Variants in GRIN2B observed in about 807,000 individuals in gnomAD.
The protein encoded by GRIN2B is glutamate receptor ionotropic, NMDA 2B.
In GRIN2B, 5 loss-of-function variants were observed where a neutral mutation model predicts 114.5. That is an observed-to-expected ratio of 0.04 (90% CI 0.02 to 0.09). The LOEUF (loss-of-function observed/expected upper bound fraction) is 0.09. GRIN2B is among the 10% of genes least tolerant of loss of function. GRIN2B has a pLI of 1.00. For missense variants in GRIN2B, 1,108 were observed against 1,943.5 expected (o/e 0.57, Z 8.08); for synonymous variants, 787 against 745.1 (o/e 1.06, Z -0.92).
intron 5 of GRIN2B, among the ~76,000 whole-genome samples, chr12:13,653,452 G>A (rs1372378887): frequency 6.7e-6 from 1 of 149,078 alleles, no homozygotes; most frequent in Non-Finnish European, 1.5e-5. Context: ...ATGGGTCTCT[G>A]AGAAGATGAG....
intron 4 of GRIN2B, among the ~76,000 whole-genome samples, chr12:13,750,450 T>C (rs1383329894): frequency 6.6e-6 from 1 of 152,160 alleles, no homozygotes; most frequent in Non-Finnish European, 1.5e-5. Context: ...CAGCAGAAGT[T>C]TTAAGTTAAA....
chr12:13,861,070 A>G (rs866414218), intron 3 of GRIN2B, among the ~76,000 whole-genome samples: 2 of 152,224 alleles, frequency 1.3e-5, no homozygotes, highest in South Asian at 4.1e-4. Context: ...TAAGGTGTAT[A>G]GGGCAGAACA....
rs1948433450 is a variant in GRIN2B at position 13,553,024 on chromosome 12, T to C, written c.*9759A>G. On this transcript the variant is annotated 3_prime_UTR_variant, in exon 14 of 14. Transcript: ENST00000609686. ...CCAAAGGGGAATAATTCATAGCCAATGGCATAATGAGATTTACAGAGAAGG... is the reference window on the plus strand; with the variant it reads ...CCAAAGGGGAATAATTCATAGCCAACGGCATAATGAGATTTACAGAGAAGG... 6.6e-6 allele frequency: 1 copy of C among 152,184 alleles called. No homozygotes were observed. Among genetic ancestry groups the C allele is most frequent in the Admixed American group, 6.5e-5 (1 of 15,272 alleles). 9.4% of individuals were successfully genotyped at this position (152,184 alleles called of 1,614,324 possible). A position where few individuals can be genotyped will look rare whatever the true frequency, so the allele number is the denominator to read the frequency against.
At chr12:13,745,446 G>A (rs957326963) in intron 4 of GRIN2B, among the ~76,000 whole-genome samples, 1 of 152,206 alleles carries the variant, frequency 6.6e-6, no homozygotes, top group East Asian at 1.9e-4. Context: ...CCAGGGCAAA[G>A]GTTAACAGCA....
At chr12:13,595,105 G>C (rs1425107182) in intron 10 of GRIN2B, among the ~76,000 whole-genome samples, 1 of 152,146 alleles carries the variant, frequency 6.6e-6, no homozygotes, top group Non-Finnish European at 1.5e-5. Flanking sequence ...AAGGTAACAG[G>C]GTGAAGCAGT....
rs1338566523 is a variant in GRIN2B at position 13,540,098 on chromosome 12, T to A, written c.*22685A>T. 1 of 152,168 alleles carries A rather than the reference T, an allele frequency of 6.6e-6. No individual in the cohort carries two copies. The highest frequency in any genetic ancestry group is 1.5e-5 in the Non-Finnish European group (1 of 68,026). 9.4% of individuals were successfully genotyped at this position (152,168 alleles called of 1,614,324 possible). On this transcript the variant is annotated 3_prime_UTR_variant, in exon 14 of 14. Transcript: ENST00000609686. The stretch of plus-strand genomic sequence containing the variant: ...AGAAACAGATCCCAACCCAAGTAGA[T>A]TCGCCAGTCCAAGACTCCTACCAAC...
chr12:13,788,805 T>A (rs1243852777), intron 3 of GRIN2B, among the ~76,000 whole-genome samples: 2 of 152,302 alleles, frequency 1.3e-5, no homozygotes. Flanking sequence ...GGGACTTTGC[T>A]AGAACTATCT....
At chr12:13,770,984 G>A (rs1021307501) in intron 3 of GRIN2B, among the ~76,000 whole-genome samples, 4 of 152,094 alleles carry the variant, frequency 2.6e-5, no homozygotes, top group African/African-American at 7.2e-5. Flanking sequence ...CTTCACAATG[G>A]CTCCTAAGTA....
chr12:13,566,826 G>A (rs1016067579), intron 13 of GRIN2B, among the ~76,000 whole-genome samples, 199 bp downstream of exon 13: 1 of 152,186 alleles, frequency 6.6e-6, no homozygotes, highest in African/African-American at 2.4e-5. Context: ...GCTGTTTCTT[G>A]AAGGAAATAT....
chr12:13,946,570 T>C (rs1867366558), intron 2 of GRIN2B, among the ~76,000 whole-genome samples: 1 of 152,034 alleles, frequency 6.6e-6, no homozygotes, highest in Non-Finnish European at 1.5e-5. Context: ...TATATAAAAG[T>C]TTCAGTTTAT....
At chr12:13,962,085 T>TACACACACACACACACACACACAC in intron 2 of GRIN2B, among the ~76,000 whole-genome samples, 1 of 60,438 alleles carries the variant, frequency 1.7e-5, no homozygotes, top group South Asian at 6.3e-4. Flanking sequence ...GTCTCTCTCA[T>TACACACACACACACACACACACAC]ACATACACAC....
intron 5 of GRIN2B, among the ~76,000 whole-genome samples, chr12:13,652,785 C>T (rs1341365135): frequency 6.6e-6 from 1 of 152,120 alleles, no homozygotes; most frequent in African/African-American, 2.4e-5. Flanking sequence ...AAGAAAGCTG[C>T]TCTAGATTGT....
intron 10 of GRIN2B, among the ~76,000 whole-genome samples, chr12:13,577,929 A>G (rs570010021): frequency 2.6e-5 from 4 of 152,362 alleles, no homozygotes; most frequent in South Asian, 2.1e-4. Flanking sequence ...ATTCATTTAT[A>G]TAAGCATTCA....
chr12:13,910,195 C>G (rs951366439), intron 2 of GRIN2B, among the ~76,000 whole-genome samples: 2 of 152,246 alleles, frequency 1.3e-5, no homozygotes, highest in Admixed American at 1.3e-4. Flanking sequence ...CCCTGGTGTG[C>G]TGAATGATGC....
intron 4 of GRIN2B, among the ~76,000 whole-genome samples, chr12:13,701,876 G>A (rs1333663591): frequency 6.6e-6 from 1 of 152,190 alleles, no homozygotes; most frequent in Non-Finnish European, 1.5e-5. Flanking sequence ...GCAAAGCAGA[G>A]GTTCAGAAGA....
At chr12:13,675,903 T>C (rs750228522) in intron 4 of GRIN2B, 44 bp from the exon 5 acceptor site, 2 of 1,122,358 alleles carry the variant, frequency 1.8e-6, no homozygotes, top group East Asian at 4.7e-5. Context: ...ATGAAGAGGG[T>C]ATACCATGAA....
At chr12:13,701,910 C>A (rs557890530) in intron 4 of GRIN2B, among the ~76,000 whole-genome samples, 1 of 152,308 alleles carries the variant, frequency 6.6e-6, no homozygotes, top group South Asian at 2.1e-4. Context: ...TCCTTGAAGG[C>A]CTGTTGAAAA....
At chr12:13,798,345 T>C (rs546169879) in intron 3 of GRIN2B, among the ~76,000 whole-genome samples, 76 of 152,008 alleles carry the variant, frequency 5.0e-4, no homozygotes, top group African/African-American at 1.8e-3. Context: ...CCCCTAGGGA[T>C]TCAATTATGA....
chr12:13,777,476 G>C (rs961302302), intron 3 of GRIN2B, among the ~76,000 whole-genome samples: 1 of 152,174 alleles, frequency 6.6e-6, no homozygotes, highest in African/African-American at 2.4e-5. Flanking sequence ...GTTAAAGGAG[G>C]TCACTATCCA....
Sources: allele counts gnomAD v4.1 joint callset (sites outside exome capture counted in the v4.1 genomes callset), GRCh38; gene constraint gnomAD v4.1.1; transcripts MANE v1.5; gene names NCBI Gene and HGNC (gene_info 2026-07-23, HGNC 2026-07-21).